Variants in PLIN4 observed in about 807,000 individuals in gnomAD.
PLIN4 encodes the protein perilipin-4.
Under a neutral mutation model 52.4 loss-of-function variants are expected in PLIN4, and 57 were observed. The ratio of observed to expected loss-of-function variants is 1.09; its 90% CI spans 0.88 to 1.36. The LOEUF is 1.36. PLIN4 is among the 40% of genes most tolerant of loss of function. The probability of loss-of-function intolerance (pLI) is 0.00; values close to 1 mark genes in which losing one functional copy is unlikely to be tolerated. For missense variants in PLIN4, 1,757 were observed against 1,770.3 expected (o/e 0.99, Z 0.13); for synonymous variants, 826 against 785.4 (o/e 1.05, Z -0.86).
chr19:4,508,315 GGCACC>G, intron 6 of PLIN4, among the ~76,000 whole-genome samples: 2 of 152,140 alleles, frequency 1.3e-5, no homozygotes, highest in East Asian at 3.9e-4. Context: ...GGAGTGCAGT[GGCACC>G]ATCTTGGCTC....
chr19:4,517,610 G>A lies in PLIN4; in HGVS notation c.140C>T (p.Pro47Leu), dbSNP rs556162118. 7.5e-5 allele frequency: 120 copies of A among 1,610,732 alleles called. No individual in the cohort carries two copies. In the East Asian group the frequency reaches 1.7e-3, roughly 23 times the overall value. Residue 47 changes from proline to leucine, a missense_variant, in exon 3 of 8, where the codon CCG becomes CTG. By Grantham distance (98) the Pro-to-Leu change is moderately conservative. Coordinates refer to ENST00000301286, the MANE Select transcript of PLIN4 (RefSeq NM_001367868.2). ...ANAHSSARARPAADPTGAPAA... is the reference protein window; with the variant it reads ...ANAHSSARARLAADPTGAPAA... ...AGGCGCTCCTGTGGGGTCAGCGGCCGGCCGGGCTCTCGCCGAGCTATGTGC... is the reference window on the plus strand; with the variant it reads ...AGGCGCTCCTGTGGGGTCAGCGGCCAGCCGGGCTCTCGCCGAGCTATGTGC...
chr19:4,507,645 A>G (rs1976134574), intron 6 of PLIN4, among the ~76,000 whole-genome samples: 1 of 152,138 alleles, frequency 6.6e-6, no homozygotes, highest in South Asian at 2.1e-4. Context: ...GCCATGATCA[A>G]GCCACTGTAG....
intron 6 of PLIN4, among the ~76,000 whole-genome samples, chr19:4,506,537 C>T (rs59917493): frequency 0.1 from 15,803 of 152,258 alleles, 1,188 homozygotes; most frequent in Middle Eastern, 0.29. Flanking sequence ...CCCCCACCCC[C>T]CAAGGGCAGG....
At chr19:4,506,337 G>A (rs1031972096) in intron 6 of PLIN4, among the ~76,000 whole-genome samples, 1 of 152,192 alleles carries the variant, frequency 6.6e-6, no homozygotes, top group Non-Finnish European at 1.5e-5. Context: ...CCTCCGCTCA[G>A]ATCACACTCC....
In PLIN4 at chr19:4,508,768, C is replaced by T. The variant is rs1279727979; in HGVS notation, c.3702G>A (p.Leu1234=). 1 of 1,576,842 alleles carries T rather than the reference C, an allele frequency of 6.3e-7. No individual in the cohort carries two copies. The highest frequency in any genetic ancestry group is 8.6e-7 in the Non-Finnish European group (1 of 1,162,010). ...GGCAGCAGCAGGGGGAAGCTCTTAC[C>T]AGCCTGAAGCAGTCCTGGAGCTGGG... is the stretch of plus-strand genomic sequence containing the variant. The part of the protein sequence containing the change: ...TLAQLQDCFR[L]IEKAQQAPEG... The change falls in exon 6 of 8, where the codon CTG becomes CTA. Residue 1234 remains leucine, a splice_region_variant and synonymous_variant. Coordinates refer to ENST00000301286, the MANE Select transcript of PLIN4 (RefSeq NM_001367868.2).
rs1452059644 is a variant in PLIN4 at position 4,513,526 on chromosome 19, CCT to C, written c.432_433del (p.Ala146HisfsTer5). On this transcript the variant is annotated frameshift_variant, in exon 5 of 8. Transcript: ENST00000301286. LOFTEE classifies it high-confidence loss of function. Reference sequence around the variant, plus strand: ...GGCCCCCTTAGCCATGTCCATGGCCCCTGTGACCCCGCTGGACACCACCTCCT... The same window carrying C: ...GGCCCCCTTAGCCATGTCCATGGCCCGTGACCCCGCTGGACACCACCTCCT... 3.1e-6 allele frequency: 5 copies of C among 1,610,766 alleles called. No individual in the cohort carries two copies. In the African/African-American group the frequency reaches 4.0e-5, roughly 13 times the overall value.
At chr19:4,507,286 T>C (rs1264572707) in intron 6 of PLIN4, among the ~76,000 whole-genome samples, 1 of 152,216 alleles carries the variant, frequency 6.6e-6, no homozygotes, top group African/African-American at 2.4e-5. Context: ...GTAAAACCTG[T>C]GACTGCTGGG....
Position 4,513,395 on chromosome 19 carries a change from C to G in PLIN4, c.565G>C (p.Ala189Pro). The change falls in exon 5 of 8, where the codon GCC (alanine) becomes CCC (proline). Residue 189 changes from alanine to proline, a missense_variant. Coordinates refer to ENST00000301286, the MANE Select transcript of PLIN4 (RefSeq NM_001367868.2). ...AVNVAKGTVQ[A>P]GVDTTKTVLT... Reference sequence around the variant, plus strand: ...ACAGTCTTGGTGGTGTCCACACCGGCCTGTACGGTCCCTTTGGCCACATTC... The same window carrying G: ...ACAGTCTTGGTGGTGTCCACACCGGGCTGTACGGTCCCTTTGGCCACATTC... The G allele has an allele frequency of 6.2e-7, 1 of 1,608,530 alleles. No individual in the cohort carries two copies. Among genetic ancestry groups the G allele is most frequent in the Non-Finnish European group, 8.5e-7 (1 of 1,177,966 alleles).
Position 4,510,564 on chromosome 19 carries a change from C to G in PLIN4, c.3396G>C (p.Glu1132Asp). Residue 1132 changes from glutamate to aspartate, a missense_variant, in exon 5 of 8, where the codon GAG becomes GAC. Transcript: ENST00000301286. ...GTGTGGTGGCCAAAAGCCCCGTGTC[C>G]TCCCTGCCTGGGGCGGCCCCTTGGG... ...TFTQGAAPGR[E>D]DTGLLATTHG... 1 of 1,500,678 alleles carries G rather than the reference C, an allele frequency of 6.7e-7. No individual in the cohort carries two copies. The highest frequency in any genetic ancestry group is 8.9e-7 in the Non-Finnish European group (1 of 1,125,252). The allele number at this position is 1,500,678 out of a possible 1,614,324, so 93.0% of individuals were successfully genotyped here.
Position 4,512,687 on chromosome 19 carries a change from T to C in PLIN4, c.1273A>G (p.Thr425Ala), listed in dbSNP as rs1456591565. The change falls in exon 5 of 8, where the codon ACC becomes GCC. Residue 425 changes from threonine (T) to alanine (A), a missense_variant. Coordinates refer to ENST00000301286, the MANE Select transcript of PLIN4 (RefSeq NM_001367868.2). ...KGAMQTGLNTTQNIATGTKDT... is the reference protein window; with the variant it reads ...KGAMQTGLNTAQNIATGTKDT... ...TTTGTACCTGTTGCGATATTTTGGG[T>C]TGTGTTCAGCCCAGTTTGCATGGCC... 6.5e-7 allele frequency: 1 copy of C among 1,546,882 alleles called. No homozygotes were observed. The highest frequency in any genetic ancestry group is 1.7e-5 in the Admixed American group (1 of 57,206).
chr19:4,504,569 C>T lies in PLIN4; in HGVS notation c.4006G>A (p.Gly1336Ser). 2 of 1,602,634 alleles carry T rather than the reference C, an allele frequency of 1.2e-6. No individual in the cohort carries two copies. Among genetic ancestry groups the T allele is most frequent in the East Asian group, 4.5e-5 (2 of 44,374 alleles). ...PAERLVQSREGVHQAWQGLEQ... is the reference protein window; with the variant it reads ...PAERLVQSRESVHQAWQGLEQ... The stretch of plus-strand genomic sequence containing the variant: ...AACCCCTGCCAAGCCTGGTGCACAC[C>T]CTCGCGGCTCTGCACCAGCCGCTCT... Residue 1336 changes from glycine (G) to serine (S), a missense_variant, in exon 8 of 8, where the codon GGT becomes AGT. Physicochemically the swap from Gly to Ser is moderately conservative, Grantham distance 56. Around this residue, in one of 7 missense-constraint regions of PLIN4, gnomAD observed 712 missense variants for 637.1 expected, o/e 1.12. Transcript: ENST00000301286.
intron 5 of PLIN4, among the ~76,000 whole-genome samples, chr19:4,509,366 C>A (rs138423048): frequency 1.4e-5 from 2 of 147,564 alleles, no homozygotes; most frequent in Admixed American, 1.4e-4. Context: ...CCCGTAATCA[C>A]AGCACATTGG....
rs2145286787 is a variant in PLIN4 at position 4,512,632 on chromosome 19, G to T, written c.1328C>A (p.Ala443Asp). Residue 443 changes from alanine (A) to aspartate (D), a missense_variant, in exon 5 of 8, where the codon GCC becomes GAC. This residue lies in a region of PLIN4 where 439 missense variants were observed against 406.4 expected (regional missense o/e 1.08). Coordinates refer to ENST00000301286, the MANE Select transcript of PLIN4 (RefSeq NM_001367868.2). ...KDTVCSGVTG[A>D]MNLARGTIQT... is the part of the protein sequence containing the mutation. Reference sequence around the variant, plus strand: ...GATGGTTCCTCTGGCCAAATTCATGGCACCAGTCACCCCACTGCAGACGGT... The same window carrying T: ...GATGGTTCCTCTGGCCAAATTCATGTCACCAGTCACCCCACTGCAGACGGT... 3 of 1,590,392 alleles carry T rather than the reference G, an allele frequency of 1.9e-6. No homozygotes were observed. In the East Asian group the frequency reaches 6.7e-5, roughly 36 times the overall value.
Position 4,512,502 on chromosome 19 carries a change from G to C in PLIN4, c.1458C>G (p.Gly486=), listed in dbSNP as rs7259625. The C allele has an allele frequency of 0.34, 532,181 of 1,587,068 alleles. 94,322 individuals are homozygous for C. Among genetic ancestry groups the C allele is most frequent in the African/African-American group, 0.64 (46,252 of 72,772 alleles). The change falls in exon 5 of 8, where the codon GGC becomes GGG. Residue 486 remains glycine (G), a synonymous_variant. Coordinates refer to ENST00000301286, the MANE Select transcript of PLIN4 (RefSeq NM_001367868.2). ...GGACAGACTTTGTAGTGTCCAGGCC[G>C]CCCTGGACGGCCCCTTTGGCCACAT... ...AANVAKGAVQ[G]GLDTTKSVLT...
chr19:4,507,351 C>A (rs186921607), intron 6 of PLIN4, among the ~76,000 whole-genome samples: 5 of 152,326 alleles, frequency 3.3e-5, no homozygotes, highest in African/African-American at 9.6e-5. Flanking sequence ...GCAAGAGGAT[C>A]GCGGGAGCGC....
rs1026339655 is a variant in PLIN4 at position 4,512,420 on chromosome 19, T to C, written c.1540A>G (p.Lys514Glu). The change falls in exon 5 of 8, where the codon AAA becomes GAA. Residue 514 changes from lysine to glutamate, a missense_variant. By Grantham distance (56) the Lys-to-Glu change is moderately conservative. Transcript: ENST00000301286. ...TCTACGCCGGTCTGGACGGTCCCTT[T>C]GGCCACGTTCACAGCCCCTGTGAGC... is the stretch of plus-strand genomic sequence containing the variant. ...TGLTGAVNVA[K>E]GTVQTGVDTT... is the part of the protein sequence containing the mutation. The C allele has an allele frequency of 6.2e-7, 1 of 1,610,454 alleles. No homozygotes were observed. Among genetic ancestry groups the C allele is most frequent in the Non-Finnish European group, 8.5e-7 (1 of 1,178,824 alleles).
At position 4,502,341 on chromosome 19, in the gene PLIN4, A is replaced by C. The variant is rs1258732573; in HGVS notation, c.*2118T>G. On this transcript the variant is annotated 3_prime_UTR_variant, in exon 8 of 8. Transcript: ENST00000301286. ...TCAGGCCACCGTGAGAAGCGACTAA[A>C]AGGCACTCTGGGCCCAGCCCAACCC... 2.6e-6 allele frequency: 1 copy of C among 386,282 alleles called. No homozygotes were observed. The highest frequency in any genetic ancestry group is 4.8e-6 in the Non-Finnish European group (1 of 207,186). The allele number at this position is 386,282 out of a possible 1,614,324, so 23.9% of individuals were successfully genotyped here.
Position 4,507,064 on chromosome 19 carries a change from C to G in PLIN4, c.3702+1704G>C, listed in dbSNP as rs146374251. 2.3e-3 allele frequency among the ~76,000 whole-genome samples: 348 copies of G among 152,344 alleles called. 2 individuals are homozygous for G. Among genetic ancestry groups the G allele is most frequent in the African/African-American group, 8.2e-3 (339 of 41,590 alleles). ...AGGGGCTTCCCCCAGTTGTGACAAC[C>G]ACAGATGTCCCCAGACATGGACTAG... On this transcript the variant is annotated intron_variant, in intron 6 of 7. Coordinates refer to ENST00000301286, the MANE Select transcript of PLIN4 (RefSeq NM_001367868.2).
At chr19:4,517,912 C>T (rs555163465) in intron 2 of PLIN4, among the ~76,000 whole-genome samples, 10 of 152,364 alleles carry the variant, frequency 6.6e-5, no homozygotes, top group Non-Finnish European at 1.2e-4. Context: ...ATCGTCTACC[C>T]GATCTCCAAA....
Sources: allele counts gnomAD v4.1 joint callset (sites outside exome capture counted in the v4.1 genomes callset), GRCh38; gene constraint gnomAD v4.1.1; regional missense constraint gnomAD v4.1.1; transcripts MANE v1.5; gene names NCBI Gene and HGNC (gene_info 2026-07-23, HGNC 2026-07-21).